The following PGAP1 variants were observed in gnomAD, a reference collection of about 807,000 sequenced individuals.
PGAP1 encodes post-GPI attachment to proteins inositol deacylase 1.
A neutral mutation model predicts 127.0 loss-of-function variants in PGAP1; 76 were observed. The ratio of observed to expected loss-of-function variants is 0.60; its 90% CI spans 0.50 to 0.72. The LOEUF is 0.72. Ranked by LOEUF, PGAP1 falls within the 30% of genes least tolerant of loss-of-function variation. The pLI is 0.00. For missense variants in PGAP1, 982 were observed against 1,071.3 expected, an observed-to-expected ratio of 0.92 and a Z score of 1.16; for synonymous variants, 362 against 366.5, an observed-to-expected ratio of 0.99 and a Z score of 0.14.
chr2:196,842,202 G>T (rs1466622118), intron 26 of PGAP1, among the ~76,000 whole-genome samples: 1 of 152,130 alleles, frequency 6.6e-6, no homozygotes, highest in Non-Finnish European at 1.5e-5. Flanking sequence ...TAAAGACAGA[G>T]CTATTAAATA....
At chr2:196,866,122 A>G (rs1215292652) in intron 19 of PGAP1, among the ~76,000 whole-genome samples, 1 of 152,130 alleles carries the variant, frequency 6.6e-6, no homozygotes. Context: ...GAAAAAAACT[A>G]CTTTGTTTCA....
At chr2:196,883,925 C>T (rs1701812157) in intron 12 of PGAP1, among the ~76,000 whole-genome samples, 1 of 152,170 alleles carries the variant, frequency 6.6e-6, no homozygotes, top group South Asian at 2.1e-4. Context: ...TCTAACTTCT[C>T]TCTTTCAGCA....
At position 196,885,381 on chromosome 2, in the gene PGAP1, A is replaced by AT. The variant is rs761246293; in HGVS notation, c.1272+42dup. On this transcript the variant is annotated intron_variant, in intron 12 of 26. Transcript: ENST00000354764. The stretch of plus-strand genomic sequence containing the variant: ...TTTTAAAATGTGTATAGACTCAAGT[A>AT]TTTTTTTCAACTGAATATTAAAATT... 4.7e-5 allele frequency: 65 copies of AT among 1,387,120 alleles called. No individual in the cohort carries two copies. In the South Asian group the frequency reaches 6.8e-4, roughly 15 times the overall value. The allele number at this position is 1,387,120 out of a possible 1,614,324, so 85.9% of individuals were successfully genotyped here. A position where few individuals can be genotyped will look rare whatever the true frequency, so the allele number is the denominator to read the frequency against.
At chr2:196,892,451 C>T in intron 8 of PGAP1, 50 bp from the exon 9 acceptor site, 1 of 792,302 alleles carries the variant, frequency 1.3e-6, no homozygotes, top group Non-Finnish European at 2.1e-6. Flanking sequence ...TTTTATACTA[C>T]ATAGTTTCTT....
At chr2:196,912,806 G>C in intron 4 of PGAP1, 76 bp downstream of exon 4, 1 of 1,366,948 alleles carries the variant, frequency 7.3e-7, no homozygotes, top group Non-Finnish European at 9.9e-7. Flanking sequence ...ATACTCCTAG[G>C]GGAATAGCCA....
chr2:196,888,015 C>T (rs1443410462), intron 10 of PGAP1, among the ~76,000 whole-genome samples: 1 of 152,148 alleles, frequency 6.6e-6, no homozygotes, highest in Non-Finnish European at 1.5e-5. Flanking sequence ...GCTGATATTC[C>T]ATACTACTTC....
chr2:196,877,529 T>C (rs1701605099), intron 13 of PGAP1: 1 of 152,152 alleles, frequency 6.6e-6, no homozygotes, highest in South Asian at 2.1e-4. Context: ...AGAGGGCCTT[T>C]TCAAGTTTGA....
intron 3 of PGAP1, among the ~76,000 whole-genome samples, chr2:196,913,631 A>G (rs1370215604): frequency 1.3e-5 from 2 of 152,162 alleles, no homozygotes; most frequent in Non-Finnish European, 2.9e-5. Flanking sequence ...GTTTTCAACA[A>G]TCTCCTCAGT....
chr2:196,890,938 A>G, intron 9 of PGAP1, 27 bp from the exon 10 acceptor site: 2 of 1,148,418 alleles, frequency 1.7e-6, no homozygotes, highest in South Asian at 1.2e-5. Context: ...AACACTCAAT[A>G]TAGCTGTAAT....
chr2:196,916,667 T>C, intron 2 of PGAP1, 74 bp from the exon 3 acceptor site: 2 of 1,397,550 alleles, frequency 1.4e-6, no homozygotes, highest in Non-Finnish European at 1.9e-6. Context: ...CAGAATTTCT[T>C]AGTAAATAAC....
intron 23 of PGAP1, among the ~76,000 whole-genome samples, chr2:196,844,898 C>G (rs944208618): frequency 6.6e-6 from 1 of 151,986 alleles, no homozygotes; most frequent in Non-Finnish European, 1.5e-5. Flanking sequence ...TTGAATGATG[C>G]TTTGTTATAG....
Position 196,890,812 on chromosome 2 carries a change from G to A in PGAP1, c.1173+16C>T. On this transcript the variant is annotated intron_variant, in intron 10 of 26. Transcript: ENST00000354764. ...TTAGCCTCTTAAATTTACATAAAATGTACCAATTATCTTACCAGCATAGTG... is the reference window on the plus strand; with the variant it reads ...TTAGCCTCTTAAATTTACATAAAATATACCAATTATCTTACCAGCATAGTG... 1 of 1,433,420 alleles carries A rather than the reference G, an allele frequency of 7.0e-7. No individual in the cohort carries two copies. The allele number at this position is 1,433,420 out of a possible 1,614,324, so 88.8% of individuals were successfully genotyped here. A position where few individuals can be genotyped will look rare whatever the true frequency, so the allele number is the denominator to read the frequency against.
intron 1 of PGAP1, chr2:196,922,119 T>C (rs2125842049): frequency 3.2e-6 from 4 of 1,264,004 alleles, no homozygotes; most frequent in African/African-American, 3.1e-5. Context: ...ATTTAAATAT[T>C]ATCTCCACAA....
In PGAP1 at chr2:196,926,684, C is replaced by A; in HGVS notation, c.-68G>T. The A allele has an allele frequency of 6.2e-7, 1 of 1,606,146 alleles. No individual in the cohort carries two copies. Among genetic ancestry groups the A allele is most frequent in the Non-Finnish European group, 8.5e-7 (1 of 1,176,310 alleles). On this transcript the variant is annotated 5_prime_UTR_variant, in exon 1 of 27. Transcript: ENST00000354764. ...TCCTTCTCCGCCGCGGGGCCCCAAG[C>A]CCGGACTGAGCGTGCTAGACACTGT... is the stretch of plus-strand genomic sequence containing the variant.
chr2:196,897,276 T>C, intron 6 of PGAP1, 79 bp from the exon 7 acceptor site: 1 of 834,104 alleles, frequency 1.2e-6, no homozygotes. Context: ...AATTCTATTG[T>C]TTAGTGGAAC....
At chr2:196,873,443 G>T in intron 16 of PGAP1, 85 bp downstream of exon 16, 1 of 899,676 alleles carries the variant, frequency 1.1e-6, no homozygotes, top group Non-Finnish European at 1.7e-6. Context: ...GGAAGAATAA[G>T]TATTATAGAA....
chr2:196,916,345 A>T, intron 3 of PGAP1, 73 bp downstream of exon 3: 1 of 1,325,864 alleles, frequency 7.5e-7, no homozygotes, highest in Non-Finnish European at 9.9e-7. Context: ...CATGATTTAA[A>T]GTATACTGAA....
At chr2:196,865,753 G>A (rs969363935) in intron 19 of PGAP1, among the ~76,000 whole-genome samples, 2 of 148,194 alleles carry the variant, frequency 1.3e-5, no homozygotes, top group Non-Finnish European at 3.0e-5. Context: ...TAATCATTAC[G>A]TTATAGTGCA....
chr2:196,867,406 A>G lies in PGAP1; in HGVS notation c.1768-2326T>C, dbSNP rs181952073. On this transcript the variant is annotated intron_variant, in intron 19 of 26. Coordinates refer to ENST00000354764, the MANE Select transcript of PGAP1 (RefSeq NM_024989.4). ...AACCAAACACTGCATGTTCTCACTAATAAGTGGGAGTTGAACAATGAGAAC... is the reference window on the plus strand; with the variant it reads ...AACCAAACACTGCATGTTCTCACTAGTAAGTGGGAGTTGAACAATGAGAAC... Among the ~76,000 whole-genome samples, 149 of 152,298 alleles carry G rather than the reference A, an allele frequency of 9.8e-4. 1 individual carries two copies. Among genetic ancestry groups the G allele is most frequent in the African/African-American group, 3.2e-3 (134 of 41,560 alleles).
Sources: allele counts gnomAD v4.1 joint callset (sites outside exome capture counted in the v4.1 genomes callset), GRCh38; gene constraint gnomAD v4.1.1; transcripts MANE v1.5; gene names NCBI Gene and HGNC (gene_info 2026-07-23, HGNC 2026-07-21).